Variants in PANK1 observed in about 807,000 individuals in gnomAD.
The protein encoded by PANK1 is pantothenate kinase 1, also known as pantothenic acid kinase 1.
Under a neutral mutation model 40.1 loss-of-function variants are expected in PANK1, and 18 were observed. That is an observed-to-expected ratio of 0.45 (90% CI 0.31 to 0.67). The LOEUF is 0.67. Among genes scored for constraint, PANK1 ranks in the 30% least tolerant of loss-of-function variants. The probability of loss-of-function intolerance (pLI) is 0.06; values close to 1 mark genes in which losing one functional copy is unlikely to be tolerated. For missense variants in PANK1, 457 were observed against 599.6 expected (o/e 0.76, Z 2.48); for synonymous variants, 242 against 237.7 (o/e 1.02, Z -0.17).
chr10:89,605,844 TAA>T (rs946807663), intron 2 of PANK1, among the ~76,000 whole-genome samples: 1 of 147,570 alleles, frequency 6.8e-6, no homozygotes, highest in African/African-American at 2.5e-5. Context: ...AGTATTTCTT[TAA>T]AAAAAAAAAG....
rs1465202458 is a variant in PANK1, at chr10:89,599,297, A to G, written c.854T>C (p.Leu285Pro). The change falls in exon 3 of 7, where the codon CTA becomes CCA. Residue 285 changes from leucine to proline, a missense_variant. Around this residue, in one of 4 missense-constraint regions of PANK1, gnomAD observed 286 missense variants for 415.8 expected, o/e 0.69. Coordinates refer to ENST00000307534, the MANE Select transcript of PANK1 (RefSeq NM_148977.3). ...LVNMGSGVSI[L>P]AVYSKDNYKR... ...ATAGTTGTCCTTGGAGTACACGGCT[A>G]GAATGCTGACACCTGAGCCCATGTT... 4 of 1,614,036 alleles carry G rather than the reference A, an allele frequency of 2.5e-6. No homozygotes were observed. Among genetic ancestry groups the G allele is most frequent in the South Asian group, 1.1e-5 (1 of 91,082 alleles).
intron 5 of PANK1, 86 bp downstream of exon 5, chr10:89,593,111 G>T: frequency 1.5e-6 from 2 of 1,312,774 alleles, no homozygotes; most frequent in Admixed American, 3.5e-5. Context: ...AGGATATGTA[G>T]TTGTGTAAGA....
chr10:89,604,120 T>C (rs1844869262), intron 2 of PANK1, among the ~76,000 whole-genome samples: 1 of 152,168 alleles, frequency 6.6e-6, no homozygotes, highest in East Asian at 1.9e-4. Flanking sequence ...ATGAAAGCAA[T>C]CAGAAACCTC....
At chr10:89,608,029 ACTTT>A (rs1564625771) in intron 2 of PANK1, among the ~76,000 whole-genome samples, 1 of 142,336 alleles carries the variant, frequency 7.0e-6, no homozygotes, top group Admixed American at 7.1e-5. Flanking sequence ...ATGATCCTAA[ACTTT>A]TTTTTTTTTT....
chr10:89,593,693 A>T, intron 4 of PANK1, 120 bp downstream of exon 4: 1 of 744,166 alleles, frequency 1.3e-6, no homozygotes, highest in Non-Finnish European at 2.3e-6. Flanking sequence ...CTGAGCTCTG[A>T]TACAACAGGT....
At chr10:89,636,597 G>A (rs1000316720) in intron 1 of PANK1, among the ~76,000 whole-genome samples, 1 of 151,838 alleles carries the variant, frequency 6.6e-6, no homozygotes, top group African/African-American at 2.4e-5. Context: ...GACTACAGGC[G>A]CATGCCACCA....
intron 1 of PANK1, among the ~76,000 whole-genome samples, chr10:89,641,190 A>T (rs1841958115): frequency 6.6e-6 from 1 of 152,200 alleles, no homozygotes; most frequent in Non-Finnish European, 1.5e-5. Flanking sequence ...AATTGTTAAA[A>T]ATACTGTATG....
chr10:89,591,745 G>A (rs1245799660), intron 5 of PANK1, among the ~76,000 whole-genome samples: 1 of 152,132 alleles, frequency 6.6e-6, no homozygotes, highest in Non-Finnish European at 1.5e-5. Context: ...TTTTCAAATT[G>A]GCACTCGCTC....
chr10:89,596,586 C>T (rs1191424847), intron 3 of PANK1, among the ~76,000 whole-genome samples: 3 of 152,196 alleles, frequency 2.0e-5, no homozygotes, highest in Admixed American at 6.5e-5. Flanking sequence ...AACCTGCTAA[C>T]CATTATTTAA....
Position 89,638,356 on chromosome 10 carries a change from A to C in PANK1, c.292+6244T>G, listed in dbSNP as rs1841883824. On this transcript the variant is annotated intron_variant, in intron 1 of 6. Transcript: ENST00000307534. The stretch of plus-strand genomic sequence containing the variant: ...GGGAGGGACAGCACCAGTAATTTCC[A>C]AAATGCCTTCAGAGTCATTCTTCCA... 1.3e-5 allele frequency among the ~76,000 whole-genome samples: 2 copies of C among 152,218 alleles called. 1 individual carries two copies. The highest frequency in any genetic ancestry group is 4.1e-4 in the South Asian group (2 of 4,832).
intron 2 of PANK1, among the ~76,000 whole-genome samples, chr10:89,599,962 G>A (rs773362370): frequency 1.3e-5 from 2 of 152,146 alleles, no homozygotes; most frequent in Non-Finnish European, 2.9e-5. Context: ...AAGATGCAAA[G>A]GAGAAGGCCA....
chr10:89,621,706 T>C (rs1249159999), intron 1 of PANK1, among the ~76,000 whole-genome samples: 1 of 151,782 alleles, frequency 6.6e-6, no homozygotes, highest in Admixed American at 6.6e-5. Flanking sequence ...TTGAGCTATT[T>C]ACTTGTCTTT....
At chr10:89,622,016 T>C (rs1038003854) in intron 1 of PANK1, among the ~76,000 whole-genome samples, 2 of 152,196 alleles carry the variant, frequency 1.3e-5, no homozygotes, top group Admixed American at 1.3e-4. Flanking sequence ...ATCTGGCCCA[T>C]TTACTAGTCT....
chr10:89,582,524 G>A (rs1429081894), downstream of PANK1: 1 of 152,100 alleles, frequency 6.6e-6, no homozygotes, highest in Admixed American at 6.5e-5. Flanking sequence ...TTCCTTTGTA[G>A]AACCATGATC....
chr10:89,593,742 T>G (rs1001684664), intron 4 of PANK1, 71 bp downstream of exon 4: 13 of 1,168,596 alleles, frequency 1.1e-5, no homozygotes, highest in Admixed American at 7.0e-5. Context: ...TTAAAACAAC[T>G]TAGTGAATGG....
intron 1 of PANK1, among the ~76,000 whole-genome samples, chr10:89,620,901 C>T (rs186541020): frequency 7.2e-5 from 11 of 152,296 alleles, no homozygotes; most frequent in East Asian, 1.9e-4. Context: ...AAAGAACTTA[C>T]ATTGAAATAT....
intron 1 of PANK1, among the ~76,000 whole-genome samples, chr10:89,632,136 T>C (rs1456772832): frequency 6.6e-6 from 1 of 152,224 alleles, no homozygotes; most frequent in Non-Finnish European, 1.5e-5. Flanking sequence ...CATTATGCTA[T>C]ATTCTCTAGT....
chr10:89,589,690 A>C (rs1464838546), intron 5 of PANK1, among the ~76,000 whole-genome samples: 1 of 152,146 alleles, frequency 6.6e-6, no homozygotes, highest in Non-Finnish European at 1.5e-5. Flanking sequence ...AGTTTTAACA[A>C]TGAATGTTCA....
intron 1 of PANK1, among the ~76,000 whole-genome samples, chr10:89,642,876 G>A (rs1006372641): frequency 2.0e-5 from 3 of 152,094 alleles, no homozygotes; most frequent in Non-Finnish European, 2.9e-5. Context: ...AGTAACAATC[G>A]TGGTCATGAA....
Sources: allele counts gnomAD v4.1 joint callset (sites outside exome capture counted in the v4.1 genomes callset), GRCh38; gene constraint gnomAD v4.1.1; regional missense constraint gnomAD v4.1.1; transcripts MANE v1.5; gene names NCBI Gene and HGNC (gene_info 2026-07-23, HGNC 2026-07-21).